Variants in ABCA13 observed in about 807,000 individuals in gnomAD.
ABCA13 encodes the protein ATP-binding cassette sub-family A member 13.
In ABCA13, 476 loss-of-function variants were observed where a neutral mutation model predicts 478.7. The ratio of observed to expected loss-of-function variants is 0.99; its 90% CI spans 0.92 to 1.07. The LOEUF (loss-of-function observed/expected upper bound fraction) is 1.07, where lower values mean the gene tolerates loss of function less well. ABCA13 is among the 50% of genes least tolerant of loss of function. The pLI is 0.00. For missense variants in ABCA13, 6,060 were observed against 5,910.6 expected (o/e 1.03, Z -0.83); for synonymous variants, 2,252 against 2,158.9 (o/e 1.04, Z -1.20).
At chr7:48,473,070 C>G (rs1367613089) in intron 45 of ABCA13, among the ~76,000 whole-genome samples, 1 of 152,104 alleles carries the variant, frequency 6.6e-6, no homozygotes, top group Non-Finnish European at 1.5e-5. Flanking sequence ...TGGGTTTCCC[C>G]TTATCAAACC....
chr7:48,618,358 T>C (rs1415583933), intron 59 of ABCA13, among the ~76,000 whole-genome samples: 1 of 152,234 alleles, frequency 6.6e-6, no homozygotes, highest in Admixed American at 6.5e-5. Context: ...CCCATTCCCA[T>C]GCTCCTAACA....
intron 54 of ABCA13, among the ~76,000 whole-genome samples, chr7:48,524,992 G>A (rs1260084707): frequency 6.6e-6 from 1 of 152,164 alleles, no homozygotes; most frequent in East Asian, 1.9e-4. Flanking sequence ...AGTTCTGGAA[G>A]TGATTGCCTT....
chr7:48,451,813 G>C (rs563207927), intron 42 of ABCA13, among the ~76,000 whole-genome samples: 2 of 152,306 alleles, frequency 1.3e-5, no homozygotes, highest in African/African-American at 2.4e-5. Flanking sequence ...TTGCAGCCAA[G>C]TGACCAAAAG....
chr7:48,401,775 A>ACT (rs1325587285), intron 38 of ABCA13, among the ~76,000 whole-genome samples: 1 of 151,842 alleles, frequency 6.6e-6, no homozygotes, highest in African/African-American at 2.4e-5. Context: ...ACACACACAC[A>ACT]CTATGGGGAG....
At chr7:48,238,011 C>G (rs1361513670) in intron 8 of ABCA13, among the ~76,000 whole-genome samples, 1 of 152,214 alleles carries the variant, frequency 6.6e-6, no homozygotes, top group African/African-American at 2.4e-5. Flanking sequence ...TATTTTAAAT[C>G]CTGATCCAAA....
chr7:48,587,044 A>T, intron 56 of ABCA13, 110 bp from the exon 57 acceptor site: 1 of 1,410,078 alleles, frequency 7.1e-7, no homozygotes, highest in Non-Finnish European at 9.8e-7. Flanking sequence ...TGTATGTGTG[A>T]AGGTCGGCAG....
At chr7:48,520,867 A>G (rs1055080139) in intron 53 of ABCA13, among the ~76,000 whole-genome samples, 10 of 152,218 alleles carry the variant, frequency 6.6e-5, no homozygotes, top group African/African-American at 2.4e-4. Context: ...TTAATACCAT[A>G]ACATTATTTT....
chr7:48,446,496 C>T (rs1321170230), intron 42 of ABCA13, among the ~76,000 whole-genome samples: 1 of 151,646 alleles, frequency 6.6e-6, no homozygotes, highest in East Asian at 1.9e-4. Flanking sequence ...AGTTCTGTTC[C>T]TTTTTTCTCC....
At chr7:48,513,160 T>G (rs1831838763) in intron 51 of ABCA13, among the ~76,000 whole-genome samples, 2 of 152,352 alleles carry the variant, frequency 1.3e-5, no homozygotes, top group Admixed American at 6.5e-5. Context: ...TCATGCCTGC[T>G]GTCCTTCTAA....
At chr7:48,590,431 TA>T (rs996570082) in intron 57 of ABCA13, among the ~76,000 whole-genome samples, 3 of 152,134 alleles carry the variant, frequency 2.0e-5, no homozygotes, top group African/African-American at 7.2e-5. Context: ...CTTCTGTAAA[TA>T]ATGTTGTCAT....
chr7:48,293,012 T>C (rs1382721208), intron 20 of ABCA13, among the ~76,000 whole-genome samples: 3 of 152,212 alleles, frequency 2.0e-5, no homozygotes, highest in African/African-American at 4.8e-5. Context: ...AAAAGAAACT[T>C]ATAAAATGAA....
chr7:48,336,296 G>A (rs1806255692), intron 28 of ABCA13, among the ~76,000 whole-genome samples: 1 of 152,180 alleles, frequency 6.6e-6, no homozygotes, highest in Non-Finnish European at 1.5e-5. Flanking sequence ...TTGACACAGA[G>A]AAAATGCTAC....
chr7:48,335,602 G>A (rs1806133257), intron 28 of ABCA13, 67 bp downstream of exon 28: 4 of 1,276,466 alleles, frequency 3.1e-6, no homozygotes, highest in Non-Finnish European at 4.5e-6. Flanking sequence ...AGACATCAGG[G>A]CTGCCCTGTA....
intron 55 of ABCA13, among the ~76,000 whole-genome samples, chr7:48,550,127 A>C (rs1785173079): frequency 6.6e-6 from 1 of 151,934 alleles, no homozygotes; most frequent in African/African-American, 2.4e-5. Flanking sequence ...TTAGTCATGA[A>C]GTCTTCATAG....
At chr7:48,352,920 G>T (rs576923940) in intron 31 of ABCA13, among the ~76,000 whole-genome samples, 3 of 151,912 alleles carry the variant, frequency 2.0e-5, no homozygotes, top group Non-Finnish European at 4.4e-5. Flanking sequence ...CTTGACCATG[G>T]CTTGGGTACC....
rs1331085577 is a variant in ABCA13 at position 48,278,701 on chromosome 7, G to A, written c.7507G>A (p.Val2503Ile). The change falls in exon 18 of 62, where the codon GTC becomes ATC. Residue 2503 changes from valine (V) to isoleucine (I), a missense_variant. Coordinates refer to ENST00000435803, the MANE Select transcript of ABCA13 (RefSeq NM_152701.5). ...CCTCTTAGAAATGTCTGGGACTCTG[G>A]TCATGCTGTTGAATGACAGTGCTGA... ...KPLLEMSGTLVMLLNDSADLR... is the reference protein window; with the variant it reads ...KPLLEMSGTLIMLLNDSADLR... The A allele has an allele frequency of 1.2e-6, 2 of 1,613,768 alleles. No individual in the cohort carries two copies. The highest frequency in any genetic ancestry group is 1.7e-6 in the Non-Finnish European group (2 of 1,179,820).
chr7:48,297,454 A>G (rs1799541143), intron 22 of ABCA13, 143 bp downstream of exon 22: 1 of 832,358 alleles, frequency 1.2e-6, no homozygotes, highest in African/African-American at 1.7e-5. Flanking sequence ...GGTATGATGT[A>G]TTTGGCATTT....
At chr7:48,201,133 G>A (rs1346975621) in intron 3 of ABCA13, among the ~76,000 whole-genome samples, 2 of 152,224 alleles carry the variant, frequency 1.3e-5, no homozygotes, top group African/African-American at 4.8e-5. Flanking sequence ...AAGGGATGAG[G>A]AAAAGGATTA....
intron 55 of ABCA13, among the ~76,000 whole-genome samples, chr7:48,543,179 C>G (rs922489690): frequency 4.6e-5 from 7 of 151,592 alleles, no homozygotes; most frequent in African/African-American, 1.7e-4. Context: ...GTAGAAAATA[C>G]AGATATATTT....
Sources: gnomAD v4.1 joint callset for allele counts (sites outside exome capture counted in the v4.1 genomes callset) on GRCh38, gnomAD v4.1.1 for gene constraint, MANE v1.5 for transcripts, NCBI Gene and HGNC (gene_info 2026-07-23, HGNC 2026-07-21) for gene names.